The following DNAH11 variants were observed in gnomAD, a reference collection of about 807,000 sequenced individuals.
The protein encoded by DNAH11 is dynein axonemal heavy chain 11, also known as axonemal beta dynein heavy chain 11.
Under a neutral mutation model 526.0 loss-of-function variants are expected in DNAH11, and 442 were observed. The ratio of observed to expected loss-of-function variants is 0.84; its 90% CI spans 0.78 to 0.91. The LOEUF (loss-of-function observed/expected upper bound fraction) is 0.91, where lower values mean the gene tolerates loss of function less well. Among genes scored for constraint, DNAH11 ranks in the 40% least tolerant of loss-of-function variants. The pLI is 0.00. For missense variants in DNAH11, 6,989 were observed against 5,448.7 expected, an observed-to-expected ratio of 1.28 and a Z score of -8.90; for synonymous variants, 2,461 against 1,935.9, an observed-to-expected ratio of 1.27 and a Z score of -7.12.
chr7:21,722,941 T>TAAAA (rs1401223311), intron 44 of DNAH11, among the ~76,000 whole-genome samples: 3 of 152,180 alleles, frequency 2.0e-5, no homozygotes, highest in Non-Finnish European at 4.4e-5. Context: ...GACCCTCTTT[T>TAAAA]AATCTTTCCA....
chr7:21,831,606 C>T (rs923039507), intron 65 of DNAH11, among the ~76,000 whole-genome samples: 16 of 152,182 alleles, frequency 1.1e-4, no homozygotes, highest in Admixed American at 8.5e-4. Context: ...CTCCCCCCCT[C>T]TATTAACCTC....
At chr7:21,811,837 C>A (rs1485799335) in intron 63 of DNAH11, among the ~76,000 whole-genome samples, 1 of 152,074 alleles carries the variant, frequency 6.6e-6, no homozygotes, top group East Asian at 1.9e-4. Flanking sequence ...TGTAGACAAT[C>A]ATAATCAAAG....
chr7:21,804,744 C>T (rs1186156410), intron 62 of DNAH11, among the ~76,000 whole-genome samples: 4 of 152,168 alleles, frequency 2.6e-5, no homozygotes, highest in Non-Finnish European at 5.9e-5. Context: ...CCCTAGGGTA[C>T]CTCTGCAGGC....
chr7:21,776,519 A>G (rs1166757892), intron 56 of DNAH11, among the ~76,000 whole-genome samples: 2 of 152,140 alleles, frequency 1.3e-5, no homozygotes, highest in African/African-American at 4.8e-5. Flanking sequence ...AAACATTAGC[A>G]ATGTTCCTTC....
At chr7:21,553,173 C>G (rs1201026845) in intron 2 of DNAH11, among the ~76,000 whole-genome samples, 1 of 147,714 alleles carries the variant, frequency 6.8e-6, no homozygotes, top group African/African-American at 2.6e-5. Flanking sequence ...CTTTTCTAAC[C>G]CAAACAAGGT....
Position 21,866,558 on chromosome 7 carries a change from G to A in DNAH11, c.11585G>A (p.Cys3862Tyr), listed in dbSNP as rs1304663278. Reference protein sequence around the residue: ...KQWRKWVESECPEKEKLPQEW... With the variant: ...KQWRKWVESEYPEKEKLPQEW... ...TGGAGGAAGTGGGTAGAATCCGAGT[G>A]TCCAGAAAAAGAAAAATTACCTCAA... Residue 3862 changes from cysteine to tyrosine, a missense_variant, in exon 71 of 82, where the codon TGT becomes TAT. Physicochemically the swap from Cys to Tyr is radical, Grantham distance 194 (BLOSUM62 -2). Coordinates refer to ENST00000409508, the MANE Select transcript of DNAH11 (RefSeq NM_001277115.2). 2 of 1,613,776 alleles carry A rather than the reference G, an allele frequency of 1.2e-6. No homozygotes were observed. Among genetic ancestry groups the A allele is most frequent in the South Asian group, 1.1e-5 (1 of 91,074 alleles).
intron 81 of DNAH11, among the ~76,000 whole-genome samples, 172 bp downstream of exon 81, chr7:21,900,292 G>A (rs1332975521): frequency 1.6e-5 from 2 of 128,944 alleles, no homozygotes; most frequent in African/African-American, 5.3e-5. Context: ...TGTGTCCACT[G>A]TGAACCAAAC....
rs1347522747 is a variant in DNAH11 at position 21,741,980 on chromosome 7, C to T, written c.7968C>T (p.Thr2656=). 3.7e-6 allele frequency: 6 copies of T among 1,613,764 alleles called. No individual in the cohort carries two copies. The highest frequency in any genetic ancestry group is 1.3e-5 in the African/African-American group (1 of 74,896). Residue 2656 remains threonine, a synonymous_variant, in exon 49 of 82, where the codon ACC becomes ACT. Transcript: ENST00000409508. ...FNFPSLDALN[T]IYGQIFSFHF... The stretch of plus-strand genomic sequence containing the variant: ...TTCCATCTTTGGATGCACTAAACAC[C>T]ATCTATGGCCAAATCTTTAGCTTCC...
chr7:21,620,095 T>A lies in DNAH11; in HGVS notation c.4500+17T>A. 1 of 1,531,678 alleles carries A rather than the reference T, an allele frequency of 6.5e-7. No individual in the cohort carries two copies. The highest frequency in any genetic ancestry group is 2.4e-5 in the East Asian group (1 of 42,322). 94.9% of individuals were successfully genotyped at this position (1,531,678 alleles called of 1,614,324 possible). On this transcript the variant is annotated intron_variant, in intron 25 of 81. Transcript: ENST00000409508. ...CACAACCAAGTAAGATGGATATTTT[T>A]ATTGCATATATTTTTCATTTTATTT...
chr7:21,819,279 G>A (rs1483218886), intron 65 of DNAH11, among the ~76,000 whole-genome samples: 1 of 151,920 alleles, frequency 6.6e-6, no homozygotes, highest in Non-Finnish European at 1.5e-5. Flanking sequence ...GATTATTCTT[G>A]TCAATTTTAA....
At chr7:21,814,869 A>C (rs1367990055) in intron 63 of DNAH11, among the ~76,000 whole-genome samples, 1 of 152,150 alleles carries the variant, frequency 6.6e-6, no homozygotes, top group Non-Finnish European at 1.5e-5. Flanking sequence ...AACTATCAAA[A>C]AATATTTTTA....
chr7:21,880,583 A>G, intron 74 of DNAH11, 119 bp from the exon 75 acceptor site: 1 of 1,005,594 alleles, frequency 9.9e-7, no homozygotes, highest in Non-Finnish European at 1.5e-6. Flanking sequence ...AGCCATGCTG[A>G]AGACTGCCTC....
rs1263085243 is a variant in DNAH11, at chr7:21,564,264, T to A, written c.1061T>A (p.Phe354Tyr). The part of the protein sequence containing the change: ...RHIQCLQETE[F>Y]PQTRILIAPL... Reference sequence around the variant, plus strand: ...ATCCAGTGTCTCCAGGAGACGGAATTCCCACAGACACGCATATTAATCGCT... The same window carrying A: ...ATCCAGTGTCTCCAGGAGACGGAATACCCACAGACACGCATATTAATCGCT... The change falls in exon 6 of 82, where the codon TTC (phenylalanine) becomes TAC (tyrosine). Residue 354 changes from phenylalanine to tyrosine, a missense_variant. Physicochemically the swap from Phe to Tyr is conservative, Grantham distance 22 (BLOSUM62 3). Transcript: ENST00000409508. 2.5e-6 allele frequency: 4 copies of A among 1,613,608 alleles called. No homozygotes were observed. Among genetic ancestry groups the A allele is most frequent in the African/African-American group, 2.7e-5 (2 of 74,904 alleles).
chr7:21,721,372 G>A (rs1200214939), intron 44 of DNAH11, among the ~76,000 whole-genome samples: 2 of 152,134 alleles, frequency 1.3e-5, no homozygotes, highest in Admixed American at 6.6e-5. Flanking sequence ...CATCCCTGCA[G>A]CCTAAATTCA....
intron 7 of DNAH11, chr7:21,570,677 C>G (rs1289879016): frequency 6.3e-6 from 1 of 157,692 alleles, no homozygotes; most frequent in Admixed American, 6.4e-5. Context: ...TATTTCATAC[C>G]CTAAAACCCA....
intron 48 of DNAH11, among the ~76,000 whole-genome samples, chr7:21,741,508 C>T (rs1360495625): frequency 2.0e-5 from 3 of 152,234 alleles, no homozygotes; most frequent in Non-Finnish European, 4.4e-5. Context: ...TGGTTGCTTA[C>T]GCATCTGGAC....
At chr7:21,668,353 A>G (rs1782504040) in intron 30 of DNAH11, among the ~76,000 whole-genome samples, 1 of 152,128 alleles carries the variant, frequency 6.6e-6, no homozygotes, top group African/African-American at 2.4e-5. Context: ...ATCTCTTCCT[A>G]GGGCAAATGT....
chr7:21,651,425 C>T (rs1276748978), intron 28 of DNAH11, among the ~76,000 whole-genome samples: 1 of 151,928 alleles, frequency 6.6e-6, no homozygotes, highest in African/African-American at 2.4e-5. Context: ...TGCAGTGGCG[C>T]GATCTCAGCT....
chr7:21,777,402 T>C (rs1787725384), intron 56 of DNAH11, among the ~76,000 whole-genome samples: 1 of 152,106 alleles, frequency 6.6e-6, no homozygotes, highest in African/African-American at 2.4e-5. Flanking sequence ...GTACAGGTTT[T>C]TTTTTTTGTA....
Sources: allele counts gnomAD v4.1 joint callset (sites outside exome capture counted in the v4.1 genomes callset), GRCh38; gene constraint gnomAD v4.1.1; transcripts MANE v1.5; gene names NCBI Gene and HGNC (gene_info 2026-07-23, HGNC 2026-07-21).